Variants in A2M observed in about 807,000 individuals in gnomAD.
A2M encodes C3 and PZP-like alpha-2-macroglobulin domain-containing protein 5.
In A2M, 128 loss-of-function variants were observed where a neutral mutation model predicts 183.9. That is an observed-to-expected ratio of 0.70 (90% CI 0.60 to 0.81). The LOEUF is 0.81. A2M is among the 30% of genes least tolerant of loss of function. A2M has a pLI of 0.00. For synonymous variants in A2M, 592 were observed against 670.8 expected (o/e 0.88, Z 1.81); for missense variants, 1,495 against 1,787.6 (o/e 0.84, Z 2.95).
chr12:9,075,430 T>C (rs1948717714), intron 28 of A2M, among the ~76,000 whole-genome samples: 1 of 152,172 alleles, frequency 6.6e-6, no homozygotes, highest in African/African-American at 2.4e-5. Flanking sequence ...GCAGCATTTT[T>C]TTTAATAGCA....
At chr12:9,072,113 T>G (rs895556543) in intron 31 of A2M, among the ~76,000 whole-genome samples, 5 of 152,220 alleles carry the variant, frequency 3.3e-5, no homozygotes, top group Non-Finnish European at 7.3e-5. Flanking sequence ...AGGCAATGGG[T>G]AATATTTACT....
chr12:9,081,799 A>G (rs1256645677), intron 22 of A2M, among the ~76,000 whole-genome samples: 2 of 152,214 alleles, frequency 1.3e-5, no homozygotes, highest in African/African-American at 4.8e-5. Context: ...TTCACCGGGA[A>G]CACAGGAAGT....
chr12:9,112,232 A>C (rs1301479171), intron 3 of A2M, 21 bp from the exon 4 acceptor site: 2 of 1,613,704 alleles, frequency 1.2e-6, no homozygotes, highest in Admixed American at 1.7e-5. Context: ...AATATTTTTC[A>C]TGAGCCCCCA....
In A2M at chr12:9,090,462, G is replaced by A; in HGVS notation, c.2490C>T (p.Ala830=). 1 of 1,613,958 alleles carries A rather than the reference G, an allele frequency of 6.2e-7. No individual in the cohort carries two copies. Among genetic ancestry groups the A allele is most frequent in the Non-Finnish European group, 8.5e-7 (1 of 1,179,858 alleles). ...KCIRVSVQLE[A]SPAFLAVPVE... The stretch of plus-strand genomic sequence containing the variant: ...CTGGGACAGCTAGGAAGGCGGGAGA[G>A]GCTTCCAGCTGCACACTGACCTGAA... Residue 830 remains alanine (A), a synonymous_variant, in exon 20 of 36, where the codon GCC becomes GCT. Coordinates refer to ENST00000318602, the MANE Select transcript of A2M (RefSeq NM_000014.6).
intron 13 of A2M, among the ~76,000 whole-genome samples, chr12:9,100,193 A>T (rs913821492): frequency 3.9e-5 from 6 of 152,216 alleles, no homozygotes; most frequent in Admixed American, 2.6e-4. Flanking sequence ...TTCATAAATC[A>T]TAACTATCTT....
chr12:9,103,585 C>A (rs1314940527), intron 11 of A2M, among the ~76,000 whole-genome samples: 1 of 152,136 alleles, frequency 6.6e-6, no homozygotes, highest in Non-Finnish European at 1.5e-5. Flanking sequence ...TTTCCCTAGC[C>A]CTTGGCAACC....
rs143869507 is a variant in A2M, at chr12:9,099,665, A to G, written c.1559-142T>C. ...TCTAGCTTTAGAAAAAAACCCTATC[A>G]AAGCCCTCTCTCCTCTCATAAATCA... On this transcript the variant is annotated intron_variant, in intron 13 of 35. Transcript: ENST00000318602. 17 of 1,024,944 alleles carry G rather than the reference A, an allele frequency of 1.7e-5. No homozygotes were observed. In the African/African-American group the frequency reaches 2.4e-4, roughly 15 times the overall value. The allele number at this position is 1,024,944 out of a possible 1,614,324, so 63.5% of individuals were successfully genotyped here. A position where few individuals can be genotyped will look rare whatever the true frequency, so the allele number is the denominator to read the frequency against.
chr12:9,078,652 A>G (rs1163247719), intron 25 of A2M, among the ~76,000 whole-genome samples: 2 of 152,196 alleles, frequency 1.3e-5, no homozygotes, highest in East Asian at 3.8e-4. Flanking sequence ...TTTACATTCA[A>G]GTAATTTGAA....
Position 9,101,537 on chromosome 12 carries a change from T to G in A2M, c.1404A>C (p.Leu468=). 1 of 1,613,910 alleles carries G rather than the reference T, an allele frequency of 6.2e-7. No homozygotes were observed. The highest frequency in any genetic ancestry group is 2.2e-5 in the East Asian group (1 of 44,878). ...FVHLEPMSHE[L]PCGHTQTVQA... ...GGACTGTCTGAGTATGGCCACAGGG[T>G]AGTTCATGAGACATGGGCTCAAGGT... The change falls in exon 12 of 36, where the codon CTA becomes CTC. Residue 468 remains leucine, a synonymous_variant. Transcript: ENST00000318602.
Position 9,097,634 on chromosome 12 carries a change from T to TTTG in A2M, c.1851+972_1851+973insCAA, listed in dbSNP as rs1491009198. 7.0e-5 allele frequency among the ~76,000 whole-genome samples: 5 copies of TTTG among 71,920 alleles called. No individual in the cohort carries two copies. In the South Asian group the frequency reaches 1.6e-3, roughly 22 times the overall value. 47.2% of individuals were successfully genotyped at this position (71,920 alleles called of 152,430 possible). A position where few individuals can be genotyped will look rare whatever the true frequency, so the allele number is the denominator to read the frequency against. On this transcript the variant is annotated intron_variant, in intron 15 of 35. Coordinates refer to ENST00000318602, the MANE Select transcript of A2M (RefSeq NM_000014.6). ...CAATTATTTCAACTGATGTAATTCT[T>TTTG]TTTTTTTTTTTTTTTTTGACACCAA...
chr12:9,104,449 C>A (rs1323141267), intron 10 of A2M, 49 bp from the exon 11 acceptor site: 1 of 1,517,934 alleles, frequency 6.6e-7, no homozygotes, highest in African/African-American at 1.4e-5. Flanking sequence ...AACTAATAGG[C>A]ACCAAACATA....
At chr12:9,100,442 A>T (rs1937740355) in intron 13 of A2M, among the ~76,000 whole-genome samples, 1 of 151,846 alleles carries the variant, frequency 6.6e-6, no homozygotes, top group Non-Finnish European at 1.5e-5. Context: ...TTATTTATTT[A>T]TTTATTTATT....
At chr12:9,084,824 A>C (rs1488075092) in intron 22 of A2M, among the ~76,000 whole-genome samples, 3 of 152,142 alleles carry the variant, frequency 2.0e-5, no homozygotes, top group Non-Finnish European at 4.4e-5. Context: ...CTGAAAGTGA[A>C]GAGAAGGAAA....
At chr12:9,084,365 A>G (rs1948994243) in intron 22 of A2M, among the ~76,000 whole-genome samples, 1 of 152,216 alleles carries the variant, frequency 6.6e-6, no homozygotes, top group South Asian at 2.1e-4. Context: ...AAATATTAAT[A>G]ACAAGCATAG....
intron 22 of A2M, among the ~76,000 whole-genome samples, chr12:9,083,296 G>A (rs149154472): frequency 0.02 from 3,074 of 151,958 alleles, 111 homozygotes; most frequent in African/African-American, 0.07. Flanking sequence ...TGTAAATGAC[G>A]AGTTAATGGG....
intron 31 of A2M, among the ~76,000 whole-genome samples, chr12:9,071,503 T>A (rs1465033484): frequency 6.6e-6 from 1 of 152,156 alleles, no homozygotes; most frequent in African/African-American, 2.4e-5. Context: ...TAAACTCGTG[T>A]CATGGGGGTT....
chr12:9,113,635 C>T, intron 1 of A2M, 92 bp from the exon 2 acceptor site: 1 of 1,233,332 alleles, frequency 8.1e-7, no homozygotes, highest in Non-Finnish European at 1.2e-6. Flanking sequence ...TTATCATCAT[C>T]AGTTCTACAC....
At chr12:9,110,219 C>G in intron 5 of A2M, 95 bp downstream of exon 5, 1 of 1,190,716 alleles carries the variant, frequency 8.4e-7, no homozygotes, top group Non-Finnish European at 1.2e-6. Context: ...CCTTTAATGA[C>G]AAGTTTCTGA....
In A2M at chr12:9,109,376, C is replaced by G. The variant is rs770174866; in HGVS notation, c.703G>C (p.Val235Leu). Residue 235 changes from valine to leucine, a missense_variant, in exon 7 of 36, where the codon GTG becomes CTG. Val to Leu is a conservative substitution (Grantham distance 32, BLOSUM62 1). Coordinates refer to ENST00000318602, the MANE Select transcript of A2M (RefSeq NM_000014.6). ...TCCAAGATGGTGATTATCTTTGGCA[C>G]TGTTACTTGTACTTCAAACTTGGGA... Reference protein sequence around the residue: ...VLPKFEVQVTVPKIITILEEE... With the variant: ...VLPKFEVQVTLPKIITILEEE... The G allele has an allele frequency of 6.2e-7, 1 of 1,613,398 alleles. No homozygotes were observed. The highest frequency in any genetic ancestry group is 2.2e-5 in the East Asian group (1 of 44,844).
Sources: gnomAD v4.1 joint callset for allele counts (sites outside exome capture counted in the v4.1 genomes callset) on GRCh38, gnomAD v4.1.1 for gene constraint, MANE v1.5 for transcripts, NCBI Gene and HGNC (gene_info 2026-07-23, HGNC 2026-07-21) for gene names.